The following SLC30A8 variants were observed in gnomAD, a reference collection of about 807,000 sequenced individuals.
SLC30A8 encodes the protein proton-coupled zinc antiporter SLC30A8.
SLC30A8 carries 27 observed loss-of-function variants against 36.9 expected under a neutral mutation model. The ratio of observed to expected loss-of-function variants is 0.73; its 90% CI spans 0.54 to 1.01. The LOEUF is 1.01. Ranked by LOEUF, SLC30A8 falls within the 50% of genes least tolerant of loss-of-function variation. The pLI is 0.00. For synonymous variants in SLC30A8, 164 were observed against 172.4 expected (o/e 0.95, Z 0.38); for missense variants, 439 against 452.0 (o/e 0.97, Z 0.26).
chr8:116,990,749 C>G (rs1043954957), intron 1 of SLC30A8, among the ~76,000 whole-genome samples: 2 of 152,082 alleles, frequency 1.3e-5, no homozygotes, highest in African/African-American at 4.8e-5. Flanking sequence ...GACAAATGCA[C>G]CATGATAATG....
chr8:117,038,535 C>T (rs560373761), intron 1 of SLC30A8, among the ~76,000 whole-genome samples: 1 of 152,262 alleles, frequency 6.6e-6, no homozygotes, highest in East Asian at 1.9e-4. Context: ...TACTAATGTA[C>T]ATTTACTAGG....
intron 2 of SLC30A8, among the ~76,000 whole-genome samples, chr8:117,106,036 C>T (rs1457130176): frequency 6.6e-6 from 1 of 152,088 alleles, no homozygotes. Flanking sequence ...CTTCGTTGGA[C>T]TGGTGATAGT....
intron 1 of SLC30A8, among the ~76,000 whole-genome samples, chr8:116,979,785 C>T (rs1203063047): frequency 6.6e-6 from 1 of 152,184 alleles, no homozygotes; most frequent in Non-Finnish European, 1.5e-5. Flanking sequence ...CCCATGAAAG[C>T]AGTCTGTTAT....
intron 1 of SLC30A8, among the ~76,000 whole-genome samples, chr8:117,142,351 A>G (rs1821693747): frequency 6.6e-6 from 1 of 151,984 alleles, no homozygotes. Flanking sequence ...GATCTTTTAC[A>G]CTCTAGTCTT....
At chr8:117,162,359 T>G (rs954888494) in intron 5 of SLC30A8, among the ~76,000 whole-genome samples, 3 of 152,160 alleles carry the variant, frequency 2.0e-5, no homozygotes, top group Non-Finnish European at 4.4e-5. Flanking sequence ...TTGTATCTGC[T>G]GCTTGGCCGA....
At position 117,105,059 on chromosome 8, in the gene SLC30A8, A is replaced by G. The variant is rs570125117; in HGVS notation, c.-225-30221A>G. Among the ~76,000 whole-genome samples the G allele has an allele frequency of 1.3e-3, 204 of 152,216 alleles. 1 individual carries two copies. Among genetic ancestry groups the G allele is most frequent in the Middle Eastern group, 3.4e-3 (1 of 294 alleles). On this transcript the variant is annotated intron_variant, in intron 2 of 10. Coordinates refer to the SLC30A8 transcript ENST00000427715. ...ATCTTGGTTTTGGTGGGTTTTGGCC[A>G]GCTTCTTTATTGGAAGTTGTTTCAT...
At position 117,172,703 on chromosome 8, in the gene SLC30A8, C is replaced by T. The variant is rs750732417; in HGVS notation, c.*22C>T. ...CTAGCTCAGTCACACCGTCAGTTTC[C>T]CAAATTTGACAGGCCACCTTCAAAC... On this transcript the variant is annotated 3_prime_UTR_variant, in exon 8 of 8. Coordinates refer to ENST00000456015, the MANE Select transcript of SLC30A8 (RefSeq NM_173851.3). The T allele has an allele frequency of 1.9e-6, 3 of 1,612,430 alleles. No individual in the cohort carries two copies. In the South Asian group the frequency reaches 3.3e-5, roughly 18 times the overall value.
chr8:116,956,321 A>G (rs1206803778), intron 1 of SLC30A8, among the ~76,000 whole-genome samples: 1 of 152,186 alleles, frequency 6.6e-6, no homozygotes, highest in Non-Finnish European at 1.5e-5. Flanking sequence ...AAATTGAGTA[A>G]CAGTCAAAAT....
At chr8:117,123,935 T>C (rs572085602) in intron 2 of SLC30A8, among the ~76,000 whole-genome samples, 2 of 152,126 alleles carry the variant, frequency 1.3e-5, no homozygotes, top group Admixed American at 6.6e-5. Context: ...TAACTTGCTG[T>C]GGGGAATCCT....
intron 2 of SLC30A8, among the ~76,000 whole-genome samples, chr8:117,047,816 G>A (rs1442103413): frequency 6.6e-6 from 1 of 152,194 alleles, no homozygotes; most frequent in African/African-American, 2.4e-5. Flanking sequence ...AAAAGACCTT[G>A]CTGATAAAAC....
intron 2 of SLC30A8, among the ~76,000 whole-genome samples, chr8:117,066,102 C>T (rs1245073445): frequency 6.6e-6 from 1 of 152,114 alleles, no homozygotes; most frequent in Non-Finnish European, 1.5e-5. Flanking sequence ...ACTTGCTGAC[C>T]CATGGGATGT....
chr8:117,100,299 T>C (rs974253342), intron 2 of SLC30A8, among the ~76,000 whole-genome samples: 2 of 152,216 alleles, frequency 1.3e-5, no homozygotes, highest in Non-Finnish European at 2.9e-5. Context: ...TTGAGCAATA[T>C]CACAGTGGAA....
At chr8:117,168,643 G>C (rs1823190812) in intron 6 of SLC30A8, among the ~76,000 whole-genome samples, 4 of 151,908 alleles carry the variant, frequency 2.6e-5, no homozygotes, top group Non-Finnish European at 5.9e-5. Context: ...AGATGAAGGA[G>C]ACAAGTGAAA....
At chr8:117,129,669 AT>A (rs1014572070) in intron 2 of SLC30A8, among the ~76,000 whole-genome samples, 1 of 152,034 alleles carries the variant, frequency 6.6e-6, no homozygotes, top group South Asian at 2.1e-4. Context: ...TCCTGATATT[AT>A]TTTTTAACAG....
intron 2 of SLC30A8, among the ~76,000 whole-genome samples, chr8:117,091,239 A>G (rs1050764157): frequency 3.9e-5 from 6 of 152,146 alleles, no homozygotes; most frequent in Admixed American, 3.3e-4. Flanking sequence ...AATCTGCCCC[A>G]GTTTCCCTTT....
chr8:117,052,703 G>A (rs34049087), intron 2 of SLC30A8, among the ~76,000 whole-genome samples: 18,219 of 152,162 alleles, frequency 0.12, 1,160 homozygotes, highest in East Asian at 0.14. Context: ...AGAGGCATGA[G>A]CTTATGCTTA....
intron 2 of SLC30A8, among the ~76,000 whole-genome samples, chr8:117,045,170 T>C (rs577254079): frequency 6.6e-6 from 1 of 152,318 alleles, no homozygotes; most frequent in Admixed American, 6.5e-5. Context: ...TGTTGGAGGG[T>C]AATAATATGG....
rs371902065 is a variant in SLC30A8, at chr8:117,163,432, A to G, written c.731A>G (p.Tyr244Cys). 4 of 1,613,246 alleles carry G rather than the reference A, an allele frequency of 2.5e-6. No individual in the cohort carries two copies. Among genetic ancestry groups the G allele is most frequent in the Non-Finnish European group, 3.4e-6 (4 of 1,179,502 alleles). ...CCCTGTTTTTTTTTCTAGCCAGAGT[A>G]TAAAATAGCCGACCCAATCTGCACA... ...SALIIYFKPE[Y>C]KIADPICTFI... Residue 244 changes from tyrosine to cysteine, a missense_variant, in exon 6 of 8, where the codon TAT becomes TGT. Physicochemically the swap from Tyr to Cys is radical, Grantham distance 194 (BLOSUM62 -2). Transcript: ENST00000456015.
intron 1 of SLC30A8, among the ~76,000 whole-genome samples, chr8:116,978,608 G>A (rs987337311): frequency 4.6e-5 from 7 of 152,056 alleles, no homozygotes; most frequent in African/African-American, 1.7e-4. Flanking sequence ...ATTACAGTAT[G>A]TGCAAGAGCT....
Sources: gnomAD v4.1 joint callset for allele counts (sites outside exome capture counted in the v4.1 genomes callset) on GRCh38, gnomAD v4.1.1 for gene constraint, MANE v1.5 for transcripts, NCBI Gene and HGNC (gene_info 2026-07-23, HGNC 2026-07-21) for gene names.